ARHGEF9: variants seen among roughly 807,000 people sequenced by gnomAD.
ARHGEF9 encodes the protein rho guanine nucleotide exchange factor 9.
ARHGEF9 carries 2 observed loss-of-function variants against 41.3 expected under a neutral mutation model. The ratio of observed to expected loss-of-function variants is 0.05; its 90% CI spans 0.02 to 0.15. ARHGEF9 has a LOEUF of 0.15. ARHGEF9 is among the 10% of genes least tolerant of loss of function. The pLI is 1.00. For synonymous variants in ARHGEF9, 160 were observed against 154.4 expected (o/e 1.04, Z -0.27); for missense variants, 225 against 424.7 (o/e 0.53, Z 4.13).
At chrX:63,723,172 T>C (rs1376214275) in intron 2 of ARHGEF9, among the ~76,000 whole-genome samples, 4 of 111,489 alleles carry the variant, frequency 3.6e-5, no homozygotes, top group Non-Finnish European at 5.7e-5. Flanking sequence ...ATTTGCTAAG[T>C]TCCTAATATC....
intron 9 of ARHGEF9, chrX:63,640,199 G>T (rs189028539): frequency 1.8e-5 from 2 of 112,029 alleles, no homozygotes; most frequent in African/African-American, 6.5e-5. Flanking sequence ...CACATTGTAT[G>T]CATATCAAAA....
chrX:63,681,508 TC>T (rs1451290142), intron 4 of ARHGEF9, among the ~76,000 whole-genome samples: 1 of 110,115 alleles, frequency 9.1e-6, no homozygotes, highest in African/African-American at 3.3e-5. Context: ...AACAAATGGG[TC>T]AAAGAAAAAA....
At chrX:63,784,189 CT>C (rs781835439) in intron 1 of ARHGEF9, among the ~76,000 whole-genome samples, 18 of 112,233 alleles carry the variant, frequency 1.6e-4, no homozygotes, top group African/African-American at 4.5e-4. Flanking sequence ...TTCTAAGGCC[CT>C]TTTGCTTATG....
At chrX:63,724,353 T>TA (rs1294169647) in intron 2 of ARHGEF9, among the ~76,000 whole-genome samples, 179 bp downstream of exon 2, 1 of 109,772 alleles carries the variant, frequency 9.1e-6, no homozygotes, top group Non-Finnish European at 1.9e-5. Flanking sequence ...GTCTAAAAAT[T>TA]AAAAGGGCAC....
intron 1 of ARHGEF9, among the ~76,000 whole-genome samples, chrX:63,726,975 A>G (rs7877438): frequency 0.01 from 1,117 of 111,552 alleles, 9 homozygotes; most frequent in African/African-American, 0.034. Context: ...TTTTGGCCTC[A>G]GTGAAGAAAA....
At chrX:63,739,514 G>T (rs185040048) in intron 1 of ARHGEF9, among the ~76,000 whole-genome samples, 1 of 111,393 alleles carries the variant, frequency 9.0e-6, no homozygotes, top group East Asian at 2.8e-4. Context: ...TTTAGCACTG[G>T]AATTCATTGG....
At position 63,637,031 on chromosome X, in the gene ARHGEF9, C is replaced by G; in HGVS notation, c.*997G>C. 1 of 297,526 alleles carries G rather than the reference C, an allele frequency of 3.4e-6. No homozygotes were observed. Among genetic ancestry groups the G allele is most frequent in the East Asian group, 4.7e-5 (1 of 21,057 alleles). The allele number at this position is 297,526 out of a possible 1,213,427, so 24.5% of individuals were successfully genotyped here. ...AAATCCCTCTCCTGGGAGGCAGAAT[C>G]TCAACCTCTGCTTCCAGTTCAGATC... On this transcript the variant is annotated 3_prime_UTR_variant, in exon 10 of 10. Transcript: ENST00000671741.
chrX:63,669,846 C>T (rs1443814698), intron 6 of ARHGEF9, among the ~76,000 whole-genome samples: 1 of 112,113 alleles, frequency 8.9e-6, no homozygotes, highest in Non-Finnish European at 1.9e-5. Flanking sequence ...CTTTTCCCTA[C>T]TGGAATATAA....
intron 1 of ARHGEF9, among the ~76,000 whole-genome samples, chrX:63,766,585 C>A (rs1556451906): frequency 8.9e-6 from 1 of 111,842 alleles, no homozygotes; most frequent in Non-Finnish European, 1.9e-5. Flanking sequence ...CTTTACATAC[C>A]CCAATGTATG....
At chrX:63,779,544 C>T (rs181450693) in intron 1 of ARHGEF9, among the ~76,000 whole-genome samples, 4 of 111,784 alleles carry the variant, frequency 3.6e-5, no homozygotes, top group Admixed American at 9.4e-5. Flanking sequence ...CCTCCCATGA[C>T]ACATGGGGAT....
At chrX:63,755,398 G>C (rs2055898493) in intron 1 of ARHGEF9, 3 of 339,306 alleles carry the variant, frequency 8.8e-6, no homozygotes, top group Middle Eastern at 1.7e-3. Context: ...GCGGATAGAG[G>C]GGGTATATAA....
intron 2 of ARHGEF9, among the ~76,000 whole-genome samples, chrX:63,720,534 T>A (rs1569489109): frequency 8.9e-6 from 1 of 111,815 alleles, no homozygotes; most frequent in African/African-American, 3.3e-5. Flanking sequence ...AGGAAAAAAA[T>A]AATTTGGCAG....
intron 2 of ARHGEF9, among the ~76,000 whole-genome samples, chrX:63,714,373 G>A (rs1556408827): frequency 8.9e-6 from 1 of 112,469 alleles, no homozygotes. Flanking sequence ...AAACAGCCCT[G>A]CAAGGCAGGC....
intron 1 of ARHGEF9, among the ~76,000 whole-genome samples, chrX:63,783,055 C>A (rs2147832366): frequency 8.9e-6 from 1 of 112,109 alleles, no homozygotes; most frequent in South Asian, 3.7e-4. Context: ...CCCCATCAAC[C>A]AATCCTTAAT....
At chrX:63,733,183 C>A (rs1173191667) in intron 1 of ARHGEF9, among the ~76,000 whole-genome samples, 5 of 112,377 alleles carry the variant, frequency 4.4e-5, no homozygotes, top group African/African-American at 1.6e-4. Flanking sequence ...TAAAAGCAAG[C>A]AAACTCTGAG....
intron 6 of ARHGEF9, 80 bp from the exon 7 acceptor site, chrX:63,666,097 G>A: frequency 8.6e-7 from 1 of 1,161,460 alleles, no homozygotes; most frequent in Non-Finnish European, 1.2e-6. Flanking sequence ...CCAAGGCTGG[G>A]CATAGACTGG....
intron 1 of ARHGEF9, chrX:63,725,037 C>CTA (rs1327161118): frequency 7.7e-6 from 2 of 260,304 alleles, no homozygotes; most frequent in East Asian, 1.7e-4. Flanking sequence ...CAAGGCAGCT[C>CTA]TAGGTCAGGA....
At chrX:63,684,857 G>T (rs1255453492) in intron 4 of ARHGEF9, among the ~76,000 whole-genome samples, 1 of 108,788 alleles carries the variant, frequency 9.2e-6, no homozygotes, top group African/African-American at 3.3e-5. Context: ...TATGCTACAT[G>T]AAATAATCCA....
At chrX:63,700,573 G>C (rs1290191080) in intron 3 of ARHGEF9, among the ~76,000 whole-genome samples, 4 of 111,865 alleles carry the variant, frequency 3.6e-5, no homozygotes. Flanking sequence ...AAAAATGGGA[G>C]AGGCAATTGG....
Sources: allele counts gnomAD v4.1 joint callset (sites outside exome capture counted in the v4.1 genomes callset), GRCh38; gene constraint gnomAD v4.1.1; transcripts MANE v1.5; gene names NCBI Gene and HGNC (gene_info 2026-07-23, HGNC 2026-07-21).